DCDC1: variants seen among roughly 807,000 people sequenced by gnomAD.
The protein encoded by DCDC1 is doublecortin domain containing 1, also known as doublecortin domain-containing protein 1.
Under a neutral mutation model 178.3 loss-of-function variants are expected in DCDC1, and 200 were observed. The ratio of observed to expected loss-of-function variants is 1.12; its 90% CI spans 1.00 to 1.26. DCDC1 has a LOEUF of 1.26. Among genes scored for constraint, DCDC1 ranks in the 50% most tolerant of loss-of-function variants. DCDC1 has a pLI of 0.00. For synonymous variants in DCDC1, 690 were observed against 604.8 expected (o/e 1.14, Z -2.07); for missense variants, 1,983 against 1,749.2 (o/e 1.13, Z -2.38).
intron 20 of DCDC1, among the ~76,000 whole-genome samples, chr11:31,041,824 T>G (rs1292296395): frequency 6.6e-6 from 1 of 152,170 alleles, no homozygotes; most frequent in Non-Finnish European, 1.5e-5. Flanking sequence ...CTAGATGACC[T>G]TTATGGAGAA....
At chr11:31,148,320 G>A (rs1964702274) in intron 9 of DCDC1, among the ~76,000 whole-genome samples, 1 of 151,808 alleles carries the variant, frequency 6.6e-6, no homozygotes, top group South Asian at 2.1e-4. Flanking sequence ...GCCGAAGTGG[G>A]CGGATCACGT....
At chr11:31,359,501 G>T (rs576851918) in intron 1 of DCDC1, among the ~76,000 whole-genome samples, 1 of 151,846 alleles carries the variant, frequency 6.6e-6, no homozygotes, top group African/African-American at 2.4e-5. Flanking sequence ...GAGTTAGTGG[G>T]TGCAGCGCAC....
chr11:30,962,839 T>C (rs186449141), intron 20 of DCDC1, among the ~76,000 whole-genome samples: 11 of 152,206 alleles, frequency 7.2e-5, no homozygotes, highest in Admixed American at 5.2e-4. Flanking sequence ...ACTAAAAACC[T>C]ATCATTATCT....
At chr11:31,315,112 C>T (rs375103917) in intron 3 of DCDC1, among the ~76,000 whole-genome samples, 3 of 152,156 alleles carry the variant, frequency 2.0e-5, no homozygotes, top group East Asian at 3.9e-4. Context: ...CAATTTTTCT[C>T]ATTTCCTCTC....
intron 9 of DCDC1, among the ~76,000 whole-genome samples, chr11:31,227,214 C>T (rs1975095823): frequency 6.6e-6 from 1 of 152,112 alleles, no homozygotes; most frequent in African/African-American, 2.4e-5. Flanking sequence ...TTTATTGGCT[C>T]ACAGTTCTGT....
chr11:31,193,590 C>G (rs1192300964), intron 9 of DCDC1, among the ~76,000 whole-genome samples: 1 of 152,018 alleles, frequency 6.6e-6, no homozygotes. Context: ...AAAGCAAGTG[C>G]CCAATAAACA....
chr11:31,057,656 A>T (rs1231337973), intron 20 of DCDC1, among the ~76,000 whole-genome samples: 2 of 152,140 alleles, frequency 1.3e-5, no homozygotes, highest in Admixed American at 6.5e-5. Context: ...GATAAAAGGG[A>T]ATAGGAGTGT....
chr11:31,330,208 A>G (rs1460849983), intron 2 of DCDC1, among the ~76,000 whole-genome samples: 2 of 151,646 alleles, frequency 1.3e-5, no homozygotes, highest in African/African-American at 4.9e-5. Flanking sequence ...CTTTTGAGAA[A>G]TGTCTGTTCA....
At chr11:31,199,241 C>A (rs756706085) in intron 9 of DCDC1, among the ~76,000 whole-genome samples, 5 of 152,058 alleles carry the variant, frequency 3.3e-5, no homozygotes, top group Non-Finnish European at 5.9e-5. Flanking sequence ...TGAGTACTAA[C>A]AATCACAAAC....
intron 1 of DCDC1, among the ~76,000 whole-genome samples, chr11:31,358,545 A>G: frequency 2.0e-5 from 3 of 151,876 alleles, no homozygotes; most frequent in African/African-American, 4.8e-5. Context: ...CTTCATGTCT[A>G]AAACACCAAA....
At position 31,007,686 on chromosome 11, in the gene DCDC1, C is replaced by T. The variant is rs144625150; in HGVS notation, c.2592-55118G>A. On this transcript the variant is annotated intron_variant, in intron 20 of 38. Coordinates refer to ENST00000684477, the MANE Select transcript of DCDC1 (RefSeq NM_001387274.1). ...GCTTTTTTTTTCTTTTTTTTTGAGA[C>T]GGAGTCTCACTGTGTCTCCCAGGCT... Among the ~76,000 whole-genome samples the T allele has an allele frequency of 4.3e-3, 650 of 151,490 alleles. 10 individuals carry two copies. The highest frequency in any genetic ancestry group is 0.014 in the African/African-American group (597 of 41,324).
At chr11:31,158,637 A>G (rs1007872488) in intron 9 of DCDC1, among the ~76,000 whole-genome samples, 2 of 152,216 alleles carry the variant, frequency 1.3e-5, no homozygotes, top group African/African-American at 4.8e-5. Context: ...TAGCCTTTCA[A>G]ATTCAGACAA....
At chr11:31,057,797 T>C (rs1047261451) in intron 20 of DCDC1, among the ~76,000 whole-genome samples, 24 of 152,184 alleles carry the variant, frequency 1.6e-4, no homozygotes, top group Non-Finnish European at 4.4e-5. Flanking sequence ...GAGTAAACTC[T>C]GAAGAATTAT....
chr11:31,195,852 T>C (rs1030846539), intron 9 of DCDC1, among the ~76,000 whole-genome samples: 8 of 152,000 alleles, frequency 5.3e-5, no homozygotes, highest in African/African-American at 1.2e-4. Flanking sequence ...TGAAAATAAA[T>C]ATTGAGAATA....
At chr11:31,328,368 C>T (rs898390500) in intron 2 of DCDC1, 82 bp from the exon 3 acceptor site, 1 of 1,350,166 alleles carries the variant, frequency 7.4e-7, no homozygotes, top group African/African-American at 1.5e-5. Context: ...TTAAACACAA[C>T]TTACTTGTCA....
At chr11:30,902,255 C>T (rs1169245211) in intron 32 of DCDC1, among the ~76,000 whole-genome samples, 1 of 152,128 alleles carries the variant, frequency 6.6e-6, no homozygotes, top group Non-Finnish European at 1.5e-5. Context: ...AGAGGCTTCA[C>T]ACAGTGCTGG....
chr11:31,028,602 G>A (rs1219249923), intron 20 of DCDC1, among the ~76,000 whole-genome samples: 7 of 151,850 alleles, frequency 4.6e-5, no homozygotes, highest in African/African-American at 1.4e-4. Context: ...AAAGACCTGG[G>A]TTTTCAAATA....
chr11:31,054,259 C>A (rs1236076527), intron 20 of DCDC1, among the ~76,000 whole-genome samples: 104 of 134,640 alleles, frequency 7.7e-4, no homozygotes, highest in African/African-American at 2.5e-3. Context: ...AAAAAAAAAA[C>A]AACTTAAGAA....
At chr11:31,138,117 T>C (rs1477512592) in intron 9 of DCDC1, among the ~76,000 whole-genome samples, 2 of 152,174 alleles carry the variant, frequency 1.3e-5, no homozygotes, top group African/African-American at 4.8e-5. Flanking sequence ...ATTAGGTTAA[T>C]ATTTCTATTA....
Sources: allele counts gnomAD v4.1 joint callset (sites outside exome capture counted in the v4.1 genomes callset), GRCh38; gene constraint gnomAD v4.1.1; transcripts MANE v1.5; gene names NCBI Gene and HGNC (gene_info 2026-07-23, HGNC 2026-07-21).